The following L3MBTL3 variants were observed in gnomAD, a reference collection of about 807,000 sequenced individuals.
The protein encoded by L3MBTL3 is lethal(3)malignant brain tumor-like protein 3.
In L3MBTL3, 27 loss-of-function variants were observed where a neutral mutation model predicts 102.3. The observed-to-expected ratio is 0.26, with a 90% CI of 0.19 to 0.36. The LOEUF is 0.36. L3MBTL3 is among the 10% of genes least tolerant of loss of function. The pLI, the probability that L3MBTL3 is intolerant of heterozygous loss-of-function variation, is 1.00. For missense variants in L3MBTL3, 798 were observed against 955.3 expected (o/e 0.84, Z 2.17); for synonymous variants, 340 against 320.9 (o/e 1.06, Z -0.64).
At chr6:130,103,104 C>CT (rs1453677100) in intron 18 of L3MBTL3, among the ~76,000 whole-genome samples, 1 of 152,136 alleles carries the variant, frequency 6.6e-6, no homozygotes, top group Admixed American at 6.5e-5. Flanking sequence ...GCATGAAATG[C>CT]TTTTTTCTGG....
At chr6:130,033,630 C>A (rs1034507418) in intron 2 of L3MBTL3, among the ~76,000 whole-genome samples, 5 of 152,200 alleles carry the variant, frequency 3.3e-5, no homozygotes, top group Non-Finnish European at 5.9e-5. Context: ...TGATCTCAGG[C>A]CTGTTATCTG....
chr6:130,103,766 A>G (rs1186996849), intron 18 of L3MBTL3, among the ~76,000 whole-genome samples: 1 of 152,236 alleles, frequency 6.6e-6, no homozygotes, highest in East Asian at 1.9e-4. Context: ...AATGATCACC[A>G]AATGAGACCT....
At chr6:130,090,639 A>G (rs1398093829) in intron 16 of L3MBTL3, among the ~76,000 whole-genome samples, 3 of 152,030 alleles carry the variant, frequency 2.0e-5, no homozygotes, top group Non-Finnish European at 4.4e-5. Context: ...TCTGTCGCCT[A>G]GGCTGGAGTG....
chr6:130,086,239 C>T lies in L3MBTL3; in HGVS notation c.1507C>T (p.His503Tyr). The change falls in exon 16 of 23, where the codon CAC (histidine) becomes TAC (tyrosine). Residue 503 changes from histidine (H) to tyrosine (Y), a missense_variant. Transcript: ENST00000361794. ...RVATVADTDD[H>Y]RVKVHFDGWN... The stretch of plus-strand genomic sequence containing the variant: ...AGCAACTGTGGCAGACACAGATGAT[C>T]ACCGGGTAAAAGTAAGTGTTCTGTG... The T allele has an allele frequency of 6.2e-7, 1 of 1,604,756 alleles. No homozygotes were observed. Among genetic ancestry groups the T allele is most frequent in the Non-Finnish European group, 8.5e-7 (1 of 1,173,062 alleles).
chr6:130,117,556 T>C (rs560079007), intron 19 of L3MBTL3, among the ~76,000 whole-genome samples: 1 of 152,152 alleles, frequency 6.6e-6, no homozygotes, highest in Non-Finnish European at 1.5e-5. Context: ...ACATTTTGCT[T>C]AGGAAGTTGA....
intron 1 of L3MBTL3, chr6:130,019,609 C>CCGCGCACACGCACACTCACACG (rs1778808325): frequency 6.6e-6 from 1 of 150,434 alleles, no homozygotes; most frequent in African/African-American, 2.4e-5. Context: ...CCGACTCCCA[C>CCGCGCACACGCACACTCACACG]CGCGCACACG....
chr6:130,094,471 T>G, intron 18 of L3MBTL3, 104 bp downstream of exon 18: 1 of 574,154 alleles, frequency 1.7e-6, no homozygotes, highest in Non-Finnish European at 2.8e-6. Context: ...AATTTTAAAT[T>G]CAGATCCATA....
At chr6:130,070,366 T>G (rs1208927232) in intron 12 of L3MBTL3, among the ~76,000 whole-genome samples, 1 of 152,220 alleles carries the variant, frequency 6.6e-6, no homozygotes, top group East Asian at 1.9e-4. Flanking sequence ...ACCAACTATT[T>G]TGAATAGCTT....
chr6:130,135,781 ATT>A (rs1248951844), intron 22 of L3MBTL3, among the ~76,000 whole-genome samples: 1 of 152,210 alleles, frequency 6.6e-6, no homozygotes, highest in African/African-American at 2.4e-5. Flanking sequence ...CATTTGTTAA[ATT>A]CCGACCATGA....
chr6:130,101,767 C>T (rs1784704363), intron 18 of L3MBTL3, among the ~76,000 whole-genome samples: 1 of 152,152 alleles, frequency 6.6e-6, no homozygotes, highest in Non-Finnish European at 1.5e-5. Flanking sequence ...GTCAAATGCC[C>T]TTACAGTGAG....
intron 8 of L3MBTL3, among the ~76,000 whole-genome samples, chr6:130,056,804 C>T (rs1207456296): frequency 6.6e-6 from 1 of 152,104 alleles, no homozygotes. Flanking sequence ...TATACTCTAC[C>T]TTAGCCTGTT....
chr6:130,071,512 C>G (rs565979842), intron 13 of L3MBTL3, among the ~76,000 whole-genome samples: 12 of 151,960 alleles, frequency 7.9e-5, no homozygotes, highest in Non-Finnish European at 1.5e-4. Flanking sequence ...TTTTAGATAT[C>G]CTGCACAAAG....
rs143869237 is a variant in L3MBTL3 at position 130,025,322 on chromosome 6, A to C, written c.-16+3017A>C. On this transcript the variant is annotated intron_variant, in intron 2 of 22. Coordinates refer to ENST00000361794, the MANE Select transcript of L3MBTL3 (RefSeq NM_032438.4). ...TATTTTCTAAAGGGCTTCATTATCT[A>C]ACAGGAATATTCTCAGATTATCTCT... is the stretch of plus-strand genomic sequence containing the variant. Among the ~76,000 whole-genome samples, 1,185 of 152,316 alleles carry C rather than the reference A, an allele frequency of 7.8e-3. 4 individuals carry two copies. Among genetic ancestry groups the C allele is most frequent in the Non-Finnish European group, 0.012 (832 of 68,004 alleles).
intron 7 of L3MBTL3, among the ~76,000 whole-genome samples, chr6:130,054,051 C>T (rs1781293554): frequency 6.6e-6 from 1 of 152,164 alleles, no homozygotes; most frequent in Non-Finnish European, 1.5e-5. Context: ...GTTGGGTTGT[C>T]AGGGAGCCCT....
At position 130,042,821 on chromosome 6, in the gene L3MBTL3, T is replaced by G. The variant is rs1298232890; in HGVS notation, c.102+20T>G. The G allele has an allele frequency of 7.0e-7, 1 of 1,437,614 alleles. No homozygotes were observed. The highest frequency in any genetic ancestry group is 1.1e-5 in the South Asian group (1 of 87,450). The allele number at this position is 1,437,614 out of a possible 1,614,324, so 89.1% of individuals were successfully genotyped here. A position where few individuals can be genotyped will look rare whatever the true frequency, so the allele number is the denominator to read the frequency against. ...TTAAAGGTAAACCCTCTTTATTACA[T>G]ACAATTATGTGTGTGTGCATCTGTG... On this transcript the variant is annotated intron_variant, in intron 3 of 22. Coordinates refer to ENST00000361794, the MANE Select transcript of L3MBTL3 (RefSeq NM_032438.4).
At chr6:130,063,156 G>A (rs1245608010) in intron 10 of L3MBTL3, among the ~76,000 whole-genome samples, 1 of 152,064 alleles carries the variant, frequency 6.6e-6, no homozygotes, top group Non-Finnish European at 1.5e-5. Flanking sequence ...CAAGTCTTAG[G>A]CAGAAGGAGG....
At chr6:130,039,922 A>G (rs1169270973) in intron 2 of L3MBTL3, among the ~76,000 whole-genome samples, 1 of 152,250 alleles carries the variant, frequency 6.6e-6, no homozygotes, top group Non-Finnish European at 1.5e-5. Flanking sequence ...ATTCTTAGTT[A>G]CCACACTAAA....
chr6:130,095,559 A>T lies in L3MBTL3; in HGVS notation c.1736+1192A>T, dbSNP rs576493242. 3.3e-5 allele frequency among the ~76,000 whole-genome samples: 5 copies of T among 152,328 alleles called. No individual in the cohort carries two copies. In the East Asian group the frequency reaches 9.6e-4, roughly 29 times the overall value. Reference sequence around the variant, plus strand: ...AGTGAAGGCAGCTGGATTTTCAGCCATTATGTAAATCTAGATGCCAGAAAT... The same window carrying T: ...AGTGAAGGCAGCTGGATTTTCAGCCTTTATGTAAATCTAGATGCCAGAAAT... On this transcript the variant is annotated intron_variant, in intron 18 of 22. Coordinates refer to ENST00000361794, the MANE Select transcript of L3MBTL3 (RefSeq NM_032438.4).
At chr6:130,045,564 G>T (rs907982821) in intron 3 of L3MBTL3, among the ~76,000 whole-genome samples, 2 of 152,152 alleles carry the variant, frequency 1.3e-5, no homozygotes, top group African/African-American at 4.8e-5. Flanking sequence ...TCAGTTACTG[G>T]CAGGGGTCTC....
Sources: gnomAD v4.1 joint callset for allele counts (sites outside exome capture counted in the v4.1 genomes callset) on GRCh38, gnomAD v4.1.1 for gene constraint, MANE v1.5 for transcripts, NCBI Gene and HGNC (gene_info 2026-07-23, HGNC 2026-07-21) for gene names.